The following CTDP1 variants were observed in gnomAD, a reference collection of about 807,000 sequenced individuals.
The protein encoded by CTDP1 is RNA polymerase II subunit A C-terminal domain phosphatase.
CTDP1 carries 47 observed loss-of-function variants against 91.8 expected under a neutral mutation model. The observed-to-expected ratio is 0.51, with a 90% confidence interval of 0.41 to 0.65. The LOEUF (loss-of-function observed/expected upper bound fraction) is 0.65, where lower values mean the gene tolerates loss of function less well. Ranked by LOEUF, CTDP1 falls within the 30% of genes least tolerant of loss-of-function variation. The probability of loss-of-function intolerance (pLI) is 0.00; values close to 1 mark genes in which losing one functional copy is unlikely to be tolerated. For missense variants in CTDP1, 1,272 were observed against 1,373.7 expected (o/e 0.93, Z 1.17); for synonymous variants, 656 against 598.5 (o/e 1.10, Z -1.40).
At chr18:79,732,448 C>A (rs1297012882) in intron 11 of CTDP1, among the ~76,000 whole-genome samples, 4 of 55,472 alleles carry the variant, frequency 7.2e-5, no homozygotes, top group Non-Finnish European at 1.5e-4. Flanking sequence ...CATGAGAACT[C>A]ACATCAGGAG....
At position 79,736,396 on chromosome 18, in the gene CTDP1, C is replaced by A; in HGVS notation, c.2622C>A (p.Ser874Arg). 6.5e-7 allele frequency: 1 copy of A among 1,549,414 alleles called. No individual in the cohort carries two copies. The highest frequency in any genetic ancestry group is 1.2e-5 in the South Asian group (1 of 83,982). Reference sequence around the variant, plus strand: ...GAGAAGGCAGCGACGACAGCGACAGCGAGAAGAGGAGGCCTGAGGAGCAGG... The same window carrying A: ...GAGAAGGCAGCGACGACAGCGACAGAGAGAAGAGGAGGCCTGAGGAGCAGG... ...ILGEGSDDSDSEKRRPEEQEE... is the reference protein window; with the variant it reads ...ILGEGSDDSDREKRRPEEQEE... The change falls in exon 12 of 13, where the codon AGC becomes AGA. Residue 874 changes from serine to arginine, a missense_variant. Ser to Arg is a moderately radical substitution (Grantham distance 110). Coordinates refer to ENST00000613122, the MANE Select transcript of CTDP1 (RefSeq NM_004715.5).
chr18:79,749,170 A>G (rs1468944693), intron 12 of CTDP1, among the ~76,000 whole-genome samples: 2 of 152,116 alleles, frequency 1.3e-5, no homozygotes, highest in African/African-American at 4.8e-5. Flanking sequence ...CTGCCATTAG[A>G]ACTCTGCCAC....
intron 10 of CTDP1, among the ~76,000 whole-genome samples, chr18:79,724,370 G>A (rs1281510232): frequency 6.6e-6 from 1 of 152,226 alleles, no homozygotes. Flanking sequence ...GTGAGTGTGT[G>A]TTTAGCTTTT....
chr18:79,695,550 C>T (rs757608047), intron 2 of CTDP1, among the ~76,000 whole-genome samples: 2 of 152,150 alleles, frequency 1.3e-5, no homozygotes, highest in Non-Finnish European at 2.9e-5. Flanking sequence ...GCTGGAGGGC[C>T]GAGACCTGTT....
intron 8 of CTDP1, 59 bp downstream of exon 8, chr18:79,715,587 C>T: frequency 6.7e-7 from 1 of 1,481,942 alleles, no homozygotes; most frequent in Non-Finnish European, 9.1e-7. Flanking sequence ...CTTGCAGGCA[C>T]TCCTTAGAGT....
At chr18:79,717,750 G>C in intron 9 of CTDP1, 60 bp from the exon 10 acceptor site, 1 of 1,613,734 alleles carries the variant, frequency 6.2e-7, no homozygotes, top group East Asian at 2.2e-5. Context: ...CATGCACCTG[G>C]GCAGTGCCCC....
intron 10 of CTDP1, among the ~76,000 whole-genome samples, chr18:79,719,134 G>A (rs769064513): frequency 6.6e-6 from 1 of 152,228 alleles, no homozygotes; most frequent in East Asian, 1.9e-4. Context: ...GCCGGCTTTC[G>A]GGAGAGGCCG....
intron 5 of CTDP1, among the ~76,000 whole-genome samples, chr18:79,707,504 G>C (rs908818247): frequency 1.3e-5 from 2 of 152,234 alleles, no homozygotes; most frequent in African/African-American, 4.8e-5. Flanking sequence ...GAGCGTCACC[G>C]GGCCGTCTGG....
chr18:79,688,705 C>T lies in CTDP1; in HGVS notation c.315-6520C>T, dbSNP rs1435736880. ...GTGAGCCATCACTCCCAGCCACACCCGGCTAATTTTTGTATTTTTAGTAGA... is the reference window on the plus strand; with the variant it reads ...GTGAGCCATCACTCCCAGCCACACCTGGCTAATTTTTGTATTTTTAGTAGA... On this transcript the variant is annotated intron_variant, in intron 1 of 12. Transcript: ENST00000613122. 5.9e-5 allele frequency among the ~76,000 whole-genome samples: 9 copies of T among 151,806 alleles called. No individual in the cohort carries two copies. The East Asian group carries it at 1.4e-3, about 23-fold the overall frequency.
At chr18:79,719,241 C>G (rs907104874) in intron 10 of CTDP1, among the ~76,000 whole-genome samples, 2 of 152,176 alleles carry the variant, frequency 1.3e-5, no homozygotes. Context: ...GTGCCCCTCT[C>G]GGCTGATTTC....
rs1344010498 is a variant in CTDP1, at chr18:79,697,909, G to A, written c.542G>A (p.Arg181Gln). ...GACCAGCAGCGACTGCACCGAAACC[G>A]GAAGCTGGTGCTCATGGTGGACTTG... ...REDQQRLHRN[R>Q]KLVLMVDLDQ... The change falls in exon 4 of 13, where the codon CGG (arginine) becomes CAG (glutamine). Residue 181 changes from arginine to glutamine, a missense_variant. Arg to Gln is a conservative substitution (Grantham distance 43, BLOSUM62 1). Around this residue, in one of 3 missense-constraint regions of CTDP1, gnomAD observed 177 missense variants for 283.0 expected, o/e 0.63. Transcript: ENST00000613122. 14 of 1,614,078 alleles carry A rather than the reference G, an allele frequency of 8.7e-6. No individual in the cohort carries two copies. Among genetic ancestry groups the A allele is most frequent in the Admixed American group, 1.7e-5 (1 of 59,998 alleles).
rs369463770 is a variant in CTDP1 at position 79,715,488 on chromosome 18, C to A, written c.2028C>A (p.Asp676Glu). ...TCACTCGGCTGGTGCTGAGCCCCGACGCCCCTGACAGGGCCACGCACCTGA... is the reference window on the plus strand; with the variant it reads ...TCACTCGGCTGGTGCTGAGCCCCGAAGCCCCTGACAGGGCCACGCACCTGA... Reference protein sequence around the residue: ...KILTRLVLSPDAPDRATHLIA... With the variant: ...KILTRLVLSPEAPDRATHLIA... Residue 676 changes from aspartate (D) to glutamate (E), a missense_variant, in exon 8 of 13, where the codon GAC (aspartate) becomes GAA (glutamate). Physicochemically the swap from Asp to Glu is conservative, Grantham distance 45. Coordinates refer to ENST00000613122, the MANE Select transcript of CTDP1 (RefSeq NM_004715.5). 6.3e-7 allele frequency: 1 copy of A among 1,576,336 alleles called. No homozygotes were observed. Among genetic ancestry groups the A allele is most frequent in the Non-Finnish European group, 8.6e-7 (1 of 1,162,968 alleles).
At chr18:79,689,077 A>G (rs2085567866) in intron 1 of CTDP1, among the ~76,000 whole-genome samples, 1 of 152,246 alleles carries the variant, frequency 6.6e-6, no homozygotes, top group South Asian at 2.1e-4. Flanking sequence ...ACATAGCACT[A>G]ATAGTCCTAA....
At chr18:79,684,405 A>G (rs932235429) in intron 1 of CTDP1, among the ~76,000 whole-genome samples, 1 of 152,228 alleles carries the variant, frequency 6.6e-6, no homozygotes, top group African/African-American at 2.4e-5. Flanking sequence ...AGCACTGCGG[A>G]GAGAGGTAAT....
intron 3 of CTDP1, among the ~76,000 whole-genome samples, chr18:79,697,000 A>G (rs2085761902): frequency 6.6e-6 from 1 of 152,230 alleles, no homozygotes; most frequent in African/African-American, 2.4e-5. Flanking sequence ...AATGATGGAC[A>G]CCAATTTCAG....
At chr18:79,747,141 G>A (rs560969253) in intron 12 of CTDP1, among the ~76,000 whole-genome samples, 3 of 152,100 alleles carry the variant, frequency 2.0e-5, no homozygotes, top group South Asian at 2.1e-4. Flanking sequence ...ACCAATACAC[G>A]AAGCAGCAAT....
rs143164108 is a variant in CTDP1, at chr18:79,681,597, ATCAG to A, written c.314+1345_314+1348del. ...CTAGTGAATAAAACCAACCCAGTGCATCAGTCAGTCAGCCAGCCAGGTCATGAGC... is the reference window on the plus strand; with the variant it reads ...CTAGTGAATAAAACCAACCCAGTGCATCAGTCAGCCAGCCAGGTCATGAGC... On this transcript the variant is annotated intron_variant, in intron 1 of 12. Coordinates refer to ENST00000613122, the MANE Select transcript of CTDP1 (RefSeq NM_004715.5). 1,983 of 550,290 alleles carry A rather than the reference ATCAG, an allele frequency of 3.6e-3. 9 individuals carry two copies. Among genetic ancestry groups the A allele is most frequent in the Middle Eastern group, 4.6e-3 (5 of 1,086 alleles). 34.1% of individuals were successfully genotyped at this position (550,290 alleles called of 1,614,324 possible).
At position 79,694,149 on chromosome 18, in the gene CTDP1, C is replaced by CA. The variant is rs1568177927; in HGVS notation, c.315-1076_315-1075insA. 6.3e-5 allele frequency among the ~76,000 whole-genome samples: 9 copies of CA among 142,486 alleles called. 1 individual carries two copies. Among genetic ancestry groups the CA allele is most frequent in the African/African-American group, 1.9e-4 (7 of 36,948 alleles). The allele number at this position is 142,486 out of a possible 152,430, so 93.5% of individuals were successfully genotyped here. ...GGTGGTCGGAGCAGCCCGGCTGGGA[C>CA]GGGAGTGTGGGGGCTGTGAGCACCT... On this transcript the variant is annotated intron_variant, in intron 1 of 12. Coordinates refer to ENST00000613122, the MANE Select transcript of CTDP1 (RefSeq NM_004715.5).
chr18:79,722,799 G>T (rs995084792), intron 10 of CTDP1, among the ~76,000 whole-genome samples: 1 of 152,206 alleles, frequency 6.6e-6, no homozygotes, highest in African/African-American at 2.4e-5. Context: ...CATAGTGCTG[G>T]AAGTCTGAGG....
Sources: gnomAD v4.1 joint callset for allele counts (sites outside exome capture counted in the v4.1 genomes callset) on GRCh38, gnomAD v4.1.1 for gene constraint, gnomAD v4.1.1 regional missense constraint, MANE v1.5 for transcripts, NCBI Gene and HGNC (gene_info 2026-07-23, HGNC 2026-07-21) for gene names.